Variants in PIMREG observed in about 807,000 individuals in gnomAD.
PIMREG encodes protein PIMREG.
PIMREG carries 19 observed loss-of-function variants against 24.3 expected under a neutral mutation model. The ratio of observed to expected loss-of-function variants is 0.78; its 90% confidence interval spans 0.54 to 1.15. The LOEUF is 1.15. Ranked by LOEUF, PIMREG falls within the 50% of genes most tolerant of loss-of-function variation. The probability of loss-of-function intolerance (pLI) is 0.00; values close to 1 mark genes in which losing one functional copy is unlikely to be tolerated. For synonymous variants in PIMREG, 112 were observed against 124.1 expected, an observed-to-expected ratio of 0.90 and a Z score of 0.65; for missense variants, 283 against 306.8, an observed-to-expected ratio of 0.92 and a Z score of 0.58.
At chr17:6,449,832 C>T (rs1360309093) in intron 4 of PIMREG, 196 bp from the exon 5 acceptor site, 3 of 1,425,114 alleles carry the variant, frequency 2.1e-6, no homozygotes, top group African/African-American at 2.9e-5. Flanking sequence ...GTGGACCTCC[C>T]CTAACTTGGG....
intron 2 of PIMREG, 152 bp from the exon 3 acceptor site, chr17:6,447,311 A>T (rs1913615997): frequency 7.4e-6 from 6 of 809,442 alleles, no homozygotes; most frequent in Non-Finnish European, 1.2e-5. Context: ...AAATGGGGTT[A>T]CACCATGTTG....
intron 4 of PIMREG, 118 bp downstream of exon 4, chr17:6,449,525 C>T (rs1913726847): frequency 1.9e-6 from 2 of 1,048,816 alleles, no homozygotes; most frequent in African/African-American, 1.6e-5. Context: ...GTCTCTGCCC[C>T]TCTCTGGGCC....
intron 3 of PIMREG, 35 bp downstream of exon 3, chr17:6,447,793 G>GCTTCAC: frequency 6.4e-7 from 1 of 1,553,866 alleles, no homozygotes; most frequent in East Asian, 2.3e-5. Flanking sequence ...GGGGCTGGTG[G>GCTTCAC]CCTTTTAACC....
At chr17:6,448,802 G>A (rs1913691766) in intron 3 of PIMREG, among the ~76,000 whole-genome samples, 1 of 152,172 alleles carries the variant, frequency 6.6e-6, no homozygotes, top group Non-Finnish European at 1.5e-5. Context: ...CCTGTGTTGT[G>A]GCAGGTAGTC....
intron 2 of PIMREG, chr17:6,447,229 A>G: frequency 2.2e-6 from 1 of 449,072 alleles, no homozygotes; most frequent in Admixed American, 3.5e-5. Flanking sequence ...CTCATGCCTC[A>G]GCCACCCAAG....
intron 4 of PIMREG, 185 bp downstream of exon 4, chr17:6,449,592 T>C (rs1365925437): frequency 1.8e-6 from 2 of 1,089,330 alleles, no homozygotes; most frequent in East Asian, 5.4e-5. Flanking sequence ...GGGGTGATGG[T>C]AAAGGATGTA....
Position 6,447,678 on chromosome 17 carries a change from T to C in PIMREG, c.510T>C (p.His170=). The C allele has an allele frequency of 1.2e-6, 2 of 1,614,188 alleles. No individual in the cohort carries two copies. The highest frequency in any genetic ancestry group is 1.7e-6 in the Non-Finnish European group (2 of 1,180,028). Residue 170 remains histidine (H), a synonymous_variant, in exon 3 of 6, where the codon CAT becomes CAC. Transcript: ENST00000572447. ...HHRLSVRMGS[H]AHPLRRSRRE... ...GCCTCTCTGTCCGGATGGGCTCACATGCCCACCCATTACGGCGATCAAGGC... is the reference window on the plus strand; with the variant it reads ...GCCTCTCTGTCCGGATGGGCTCACACGCCCACCCATTACGGCGATCAAGGC...
intron 3 of PIMREG, among the ~76,000 whole-genome samples, chr17:6,448,922 G>A (rs563823261): frequency 4.6e-5 from 7 of 152,296 alleles, no homozygotes; most frequent in Admixed American, 1.3e-4. Flanking sequence ...ACCCGGTTCC[G>A]CGTCCAGAGC....
chr17:6,450,506 G>A lies in PIMREG; in HGVS notation c.*159G>A. On this transcript the variant is annotated 3_prime_UTR_variant, in exon 6 of 6. Transcript: ENST00000572447. ...CCTAACAAGGGGCCCAGAGCCCCCT[G>A]CTCCAGCCACATCTGGACCCATCAG... The A allele has an allele frequency of 1.8e-6, 2 of 1,109,394 alleles. No individual in the cohort carries two copies. Among genetic ancestry groups the A allele is most frequent in the Non-Finnish European group, 2.6e-6 (2 of 777,442 alleles). The allele number at this position is 1,109,394 out of a possible 1,614,324, so 68.7% of individuals were successfully genotyped here. A position where few individuals can be genotyped will look rare whatever the true frequency, so the allele number is the denominator to read the frequency against.
In PIMREG at chr17:6,447,692, G is replaced by A. The variant is rs772701110; in HGVS notation, c.524G>A (p.Arg175Gln). Residue 175 changes from arginine (R) to glutamine (Q), a missense_variant, in exon 3 of 6, where the codon CGG (arginine) becomes CAG (glutamine). Transcript: ENST00000572447. The part of the protein sequence containing the change: ...VRMGSHAHPL[R>Q]RSRREAAFRS... ...ATGGGCTCACATGCCCACCCATTAC[G>A]GCGATCAAGGCGGGAGGCTGCCTTC... The A allele has an allele frequency of 7.2e-5, 117 of 1,614,028 alleles. No homozygotes were observed. Among genetic ancestry groups the A allele is most frequent in the East Asian group, 8.9e-5 (4 of 44,888 alleles).
intron 2 of PIMREG, chr17:6,446,234 C>T (rs1913566260): frequency 2.5e-6 from 1 of 400,976 alleles, no homozygotes. Context: ...AAACCCAGAG[C>T]TGGAGGTGTA....
chr17:6,450,016 C>A lies in PIMREG; in HGVS notation c.687-12C>A. The A allele has an allele frequency of 6.2e-7, 1 of 1,614,032 alleles. No individual in the cohort carries two copies. The highest frequency in any genetic ancestry group is 8.5e-7 in the Non-Finnish European group (1 of 1,179,876). On this transcript the variant is annotated splice_polypyrimidine_tract_variant and intron_variant, in intron 4 of 5. Coordinates refer to ENST00000572447, the MANE Select transcript of PIMREG (RefSeq NM_019013.3). ...CACACCCAGTGGCATCAATCCCTCCCCTTCTCTCTAGTGGTGACATCGTCT... is the reference window on the plus strand; with the variant it reads ...CACACCCAGTGGCATCAATCCCTCCACTTCTCTCTAGTGGTGACATCGTCT...
chr17:6,447,382 C>T (rs1298681389), intron 2 of PIMREG, 81 bp from the exon 3 acceptor site: 26 of 1,474,592 alleles, frequency 1.8e-5, no homozygotes, highest in Non-Finnish European at 2.3e-5. Context: ...TCCCAAAGTA[C>T]TGGGATTATA....
chr17:6,450,470 G>A lies in PIMREG; in HGVS notation c.*123G>A. The A allele has an allele frequency of 6.8e-7, 1 of 1,469,006 alleles. No homozygotes were observed. Among genetic ancestry groups the A allele is most frequent in the Non-Finnish European group, 9.2e-7 (1 of 1,086,380 alleles). The allele number at this position is 1,469,006 out of a possible 1,614,324, so 91.0% of individuals were successfully genotyped here. On this transcript the variant is annotated 3_prime_UTR_variant, in exon 6 of 6. Coordinates refer to ENST00000572447, the MANE Select transcript of PIMREG (RefSeq NM_019013.3). ...GAGTCGTCAGTACCCCTGGGCCACTGCTAACAAGCACCTAACAAGGGGCCC... is the reference window on the plus strand; with the variant it reads ...GAGTCGTCAGTACCCCTGGGCCACTACTAACAAGCACCTAACAAGGGGCCC...
chr17:6,446,420 G>A (rs138287409), intron 2 of PIMREG, among the ~76,000 whole-genome samples: 29 of 152,260 alleles, frequency 1.9e-4, no homozygotes, highest in African/African-American at 6.5e-4. Flanking sequence ...TGAGCCAAAT[G>A]TTAGTCCTTA....
In PIMREG at chr17:6,447,593, G is replaced by A. The variant is rs199514811; in HGVS notation, c.425G>A (p.Arg142Gln). ...PTHSLSQKST[R>Q]LSGAAPAHSA... ...CACAGCCTGAGCCAGAAGAGCACCC[G>A]GCTGTCTGGAGCCGCCCCTGCCCAC... The change falls in exon 3 of 6, where the codon CGG (arginine) becomes CAG (glutamine). Residue 142 changes from arginine to glutamine, a missense_variant. Coordinates refer to ENST00000572447, the MANE Select transcript of PIMREG (RefSeq NM_019013.3). The A allele has an allele frequency of 4.8e-5, 77 of 1,614,072 alleles. 1 individual carries two copies. The highest frequency in any genetic ancestry group is 8.8e-5 in the South Asian group (8 of 91,078).
rs1913793424 is a variant in PIMREG at position 6,450,590 on chromosome 17, T to C, written c.*243T>C. 1 of 538,806 alleles carries C rather than the reference T, an allele frequency of 1.9e-6. No homozygotes were observed. The allele number at this position is 538,806 out of a possible 1,614,324, so 33.4% of individuals were successfully genotyped here. A position where few individuals can be genotyped will look rare whatever the true frequency, so the allele number is the denominator to read the frequency against. ...GAGACCTTGCAGAGGGGGAGAATTG[T>C]TCCTTCTGCTTTCCTAGGGGACTCT... On this transcript the variant is annotated 3_prime_UTR_variant, in exon 6 of 6. Transcript: ENST00000572447.
At chr17:6,446,120 AAGGTCCAGTTAG>A (rs1913561471) in intron 2 of PIMREG, 6 of 399,572 alleles carry the variant, frequency 1.5e-5, no homozygotes, top group South Asian at 2.5e-4. Context: ...AGCTGCCGAG[AAGGTCCAGTTAG>A]AGGGGATTTG....
chr17:6,449,911 T>A (rs1913751243), intron 4 of PIMREG, 117 bp from the exon 5 acceptor site: 1 of 1,424,566 alleles, frequency 7.0e-7, no homozygotes, highest in Non-Finnish European at 9.8e-7. Flanking sequence ...CAGCTCTATG[T>A]GTTGAGGGGC....
Sources: gnomAD v4.1 joint callset for allele counts (sites outside exome capture counted in the v4.1 genomes callset) on GRCh38, gnomAD v4.1.1 for gene constraint, MANE v1.5 for transcripts, NCBI Gene and HGNC (gene_info 2026-07-23, HGNC 2026-07-21) for gene names.